The following TBL1XR1 variants were observed in gnomAD, a reference collection of about 807,000 sequenced individuals.
TBL1XR1 encodes the protein TBL1X/Y related 1, also known as F-box-like/WD repeat-containing protein TBL1XR1.
In TBL1XR1, 5 loss-of-function variants were observed where a neutral mutation model predicts 66.9. The observed-to-expected ratio is 0.07, with a 90% CI of 0.04 to 0.16. The LOEUF is 0.16. TBL1XR1 is among the 10% of genes least tolerant of loss of function. The pLI is 1.00. For synonymous variants in TBL1XR1, 210 were observed against 206.0 expected (o/e 1.02, Z -0.17); for missense variants, 238 against 623.2 (o/e 0.38, Z 6.58).
Position 177,197,281 on chromosome 3 carries a change from G to A in TBL1XR1, c.-282C>T, listed in dbSNP as rs1477883503. 1 of 150,538 alleles carries A rather than the reference G, an allele frequency of 6.6e-6. No homozygotes were observed. Among genetic ancestry groups the A allele is most frequent in the Non-Finnish European group, 1.5e-5 (1 of 67,202 alleles). The allele number at this position is 150,538 out of a possible 1,614,324, so 9.3% of individuals were successfully genotyped here. A position where few individuals can be genotyped will look rare whatever the true frequency, so the allele number is the denominator to read the frequency against. On this transcript the variant is annotated 5_prime_UTR_variant, in exon 1 of 16. Coordinates refer to ENST00000457928, the MANE Select transcript of TBL1XR1 (RefSeq NM_024665.7). ...ACCCCAGCGAGCGGAGGGCGCGGGGGATGGGCGCCGGGCGGGCGGGGGCGG... is the reference window on the plus strand; with the variant it reads ...ACCCCAGCGAGCGGAGGGCGCGGGGAATGGGCGCCGGGCGGGCGGGGGCGG...
intron 1 of TBL1XR1, among the ~76,000 whole-genome samples, chr3:177,143,068 T>C (rs1173128681): frequency 1.3e-5 from 2 of 151,388 alleles, no homozygotes; most frequent in Non-Finnish European, 2.9e-5. Flanking sequence ...CTTAGGGCTA[T>C]CTAGTATTGC....
Position 177,038,192 on chromosome 3 carries a change from T to C in TBL1XR1, c.1048-20A>G, listed in dbSNP as rs776054735. On this transcript the variant is annotated intron_variant, in intron 11 of 15. Coordinates refer to ENST00000457928, the MANE Select transcript of TBL1XR1 (RefSeq NM_024665.7). ...TTCATTCTAAAAATAATAGTAAATATTCACATTTTCATTGTATAGACTGGG... is the reference window on the plus strand; with the variant it reads ...TTCATTCTAAAAATAATAGTAAATACTCACATTTTCATTGTATAGACTGGG... 6.2e-7 allele frequency: 1 copy of C among 1,611,200 alleles called. No individual in the cohort carries two copies. Among genetic ancestry groups the C allele is most frequent in the East Asian group, 2.2e-5 (1 of 44,702 alleles).
chr3:177,144,466 T>A (rs1730002237), intron 1 of TBL1XR1, among the ~76,000 whole-genome samples: 1 of 152,010 alleles, frequency 6.6e-6, no homozygotes, highest in South Asian at 2.1e-4. Context: ...AAAGCAGCCA[T>A]AACCTGGCCG....
intron 12 of TBL1XR1, 100 bp from the exon 13 acceptor site, chr3:177,034,425 C>T (rs2108415285): frequency 2.6e-6 from 2 of 776,900 alleles, no homozygotes; most frequent in Non-Finnish European, 3.7e-6. Context: ...CAGTCTAAAA[C>T]ATGAGTGATA....
intron 2 of TBL1XR1, among the ~76,000 whole-genome samples, chr3:177,098,158 GCGGAGATCACGC>G (rs1723731401): frequency 6.6e-6 from 1 of 152,084 alleles, no homozygotes; most frequent in Non-Finnish European, 1.5e-5. Flanking sequence ...GTTGCAGTGA[GCGGAGATCACGC>G]CATTGCACTC....
intron 1 of TBL1XR1, among the ~76,000 whole-genome samples, chr3:177,130,911 G>C (rs62296576): frequency 0.061 from 9,326 of 152,252 alleles, 377 homozygotes; most frequent in South Asian, 0.16. Flanking sequence ...TATAGTCCCA[G>C]CTGCTTGGGA....
At chr3:177,151,369 G>C (rs931362212) in intron 1 of TBL1XR1, among the ~76,000 whole-genome samples, 2 of 152,178 alleles carry the variant, frequency 1.3e-5, no homozygotes, top group African/African-American at 4.8e-5. Flanking sequence ...TGCAGCTGTG[G>C]GCACCAGTCC....
In TBL1XR1 at chr3:177,154,241, GATT is replaced by G. The variant is rs542334699; in HGVS notation, c.-122+42877_-122+42879del. Among the ~76,000 whole-genome samples the G allele has an allele frequency of 1.1e-4, 17 of 152,174 alleles. No individual in the cohort carries two copies. The East Asian group carries it at 3.3e-3, about 29-fold the overall frequency. On this transcript the variant is annotated intron_variant, in intron 1 of 15. Transcript: ENST00000457928. ...CATAAGGAAGCTCTAAGTATAATCT[GATT>G]ATTAATACATTAATATCAAACAAGG...
At chr3:177,035,184 CCTTT>C (rs1473704180) in intron 12 of TBL1XR1, among the ~76,000 whole-genome samples, 1 of 152,134 alleles carries the variant, frequency 6.6e-6, no homozygotes, top group Non-Finnish European at 1.5e-5. Context: ...TTTCATTAGA[CCTTT>C]CTAATTCATA....
In TBL1XR1 at chr3:177,126,144, T is replaced by G. The variant is rs554098945; in HGVS notation, c.-121-27603A>C. ...ATCAGTTACCGCATTTTTAAAAAGG[T>G]AGTCATTAAGTAGAAGTGGCTCTGT... On this transcript the variant is annotated intron_variant, in intron 1 of 15. Transcript: ENST00000457928. 4 of 152,312 alleles carry G rather than the reference T, an allele frequency of 2.6e-5. No individual in the cohort carries two copies. In the East Asian group the frequency reaches 7.7e-4, roughly 29 times the overall value. The allele number at this position is 152,312 out of a possible 1,614,324, so 9.4% of individuals were successfully genotyped here.
At chr3:177,088,428 T>C (rs956162681) in intron 2 of TBL1XR1, among the ~76,000 whole-genome samples, 1 of 152,246 alleles carries the variant, frequency 6.6e-6, no homozygotes, top group African/African-American at 2.4e-5. Context: ...ACTTGGATCC[T>C]ATCCCCAAGA....
intron 1 of TBL1XR1, among the ~76,000 whole-genome samples, chr3:177,172,706 A>AGAGAAGAGCC (rs1397391716): frequency 6.7e-6 from 1 of 149,180 alleles, no homozygotes; most frequent in African/African-American, 2.4e-5. Context: ...AGGAGAGGGA[A>AGAGAAGAGCC]GAGAAGAGCC....
At chr3:177,131,739 T>C (rs1397848935) in intron 1 of TBL1XR1, among the ~76,000 whole-genome samples, 1 of 151,860 alleles carries the variant, frequency 6.6e-6, no homozygotes, top group African/African-American at 2.4e-5. Context: ...TGGCCTCGAG[T>C]GATCCACTCT....
At chr3:177,122,576 A>G (rs1159609851) in intron 1 of TBL1XR1, among the ~76,000 whole-genome samples, 1 of 152,186 alleles carries the variant, frequency 6.6e-6, no homozygotes. Flanking sequence ...CTGAAGCCAC[A>G]TTGTTGGAAA....
At chr3:177,179,048 T>A (rs1014318512) in intron 1 of TBL1XR1, among the ~76,000 whole-genome samples, 1 of 138,814 alleles carries the variant, frequency 7.2e-6, no homozygotes, top group Non-Finnish European at 1.5e-5. Flanking sequence ...AGCCGGGAGG[T>A]GGCAATTGCA....
At chr3:177,136,527 G>A (rs570378971) in intron 1 of TBL1XR1, among the ~76,000 whole-genome samples, 2 of 152,124 alleles carry the variant, frequency 1.3e-5, no homozygotes, top group Admixed American at 1.3e-4. Flanking sequence ...TGATCCACCC[G>A]CCTAGGCCTC....
At chr3:177,110,003 C>T (rs1464300812) in intron 1 of TBL1XR1, among the ~76,000 whole-genome samples, 1 of 152,108 alleles carries the variant, frequency 6.6e-6, no homozygotes, top group Non-Finnish European at 1.5e-5. Flanking sequence ...CAAAATACGT[C>T]ATTTATGTTT....
chr3:177,110,811 C>CCT (rs1305535784), intron 1 of TBL1XR1: 1 of 152,120 alleles, frequency 6.6e-6, no homozygotes, highest in African/African-American at 2.4e-5. Context: ...AATCTTACCT[C>CCT]CTCTTCATGA....
chr3:177,173,227 T>C lies in TBL1XR1; in HGVS notation c.-122+23894A>G, dbSNP rs370394129. Among the ~76,000 whole-genome samples, 5 of 152,178 alleles carry C rather than the reference T, an allele frequency of 3.3e-5. No homozygotes were observed. The East Asian group carries it at 9.6e-4, about 29-fold the overall frequency. ...AAAACAAAACACCATATTTCTTAAT[T>C]ACCGTGGTGATTTTAACATATGTCC... is the stretch of plus-strand genomic sequence containing the variant. On this transcript the variant is annotated intron_variant, in intron 1 of 15. Coordinates refer to ENST00000457928, the MANE Select transcript of TBL1XR1 (RefSeq NM_024665.7).
Sources: allele counts gnomAD v4.1 joint callset (sites outside exome capture counted in the v4.1 genomes callset), GRCh38; gene constraint gnomAD v4.1.1; transcripts MANE v1.5; gene names NCBI Gene and HGNC (gene_info 2026-07-23, HGNC 2026-07-21).